Variants in ABR observed in about 807,000 individuals in gnomAD.
The protein encoded by ABR is ABR activator of RhoGEF and GTPase, also known as active breakpoint cluster region-related protein.
ABR carries 35 observed loss-of-function variants against 107.2 expected under a neutral mutation model. The observed-to-expected ratio is 0.33, with a 90% CI of 0.25 to 0.43. The LOEUF (loss-of-function observed/expected upper bound fraction) is 0.43, where lower values mean the gene tolerates loss of function less well. Among genes scored for constraint, ABR ranks in the 20% least tolerant of loss-of-function variants. ABR has a pLI of 1.00. For synonymous variants in ABR, 498 were observed against 462.0 expected (o/e 1.08, Z -1.00); for missense variants, 815 against 1,115.2 (o/e 0.73, Z 3.83).
At chr17:1,224,025 C>T (rs1242636612) in intron 1 of ABR, among the ~76,000 whole-genome samples, 1 of 152,192 alleles carries the variant, frequency 6.6e-6, no homozygotes, top group Admixed American at 6.5e-5. Flanking sequence ...ATACGAAGTG[C>T]TCAGAACAGG....
intron 16 of ABR, among the ~76,000 whole-genome samples, chr17:1,046,419 T>TGA: frequency 6.6e-6 from 1 of 151,432 alleles, no homozygotes; most frequent in Middle Eastern, 3.5e-3. Flanking sequence ...TATGGGCGCG[T>TGA]GCCACCACGC....
chr17:1,050,666 T>C lies in ABR; in HGVS notation c.1562-32A>G. The C allele has an allele frequency of 1.3e-6, 2 of 1,588,508 alleles. No individual in the cohort carries two copies. The highest frequency in any genetic ancestry group is 1.7e-6 in the Non-Finnish European group (2 of 1,157,592). The stretch of plus-strand genomic sequence containing the variant: ...GGGAAGGACAGACGGAGATACTGAG[T>C]GAGTGGGGCCAGGGTGGGGCAGCTG... On this transcript the variant is annotated intron_variant, in intron 14 of 22. Transcript: ENST00000302538. This position sits in a 1 kb window ranked among gnomAD's most constrained non-coding sequence, Gnocchi z 4.6.
intron 1 of ABR, among the ~76,000 whole-genome samples, chr17:1,129,714 C>G (rs1300683306): frequency 6.6e-6 from 1 of 151,992 alleles, no homozygotes; most frequent in African/African-American, 2.4e-5. Context: ...TTTGGGAGGC[C>G]GAGGCAGGTG....
chr17:1,116,890 T>TG (rs1287552483), intron 2 of ABR, among the ~76,000 whole-genome samples: 1 of 152,034 alleles, frequency 6.6e-6, no homozygotes, highest in South Asian at 2.1e-4. Flanking sequence ...GGCCGGCTGC[T>TG]GGGGGGCGGA....
At chr17:1,166,921 G>A (rs1481930592) in intron 1 of ABR, among the ~76,000 whole-genome samples, 2 of 152,174 alleles carry the variant, frequency 1.3e-5, no homozygotes, top group Non-Finnish European at 1.5e-5. Flanking sequence ...AGAATCGCTT[G>A]AACTGGGAGG....
chr17:1,157,339 C>T lies in ABR; in HGVS notation c.61+22328G>A, dbSNP rs1334328527. ...AACCTTAGCTCACTGCAACCTCCAC[C>T]TCCCGGGTTCAAGTAATTCTCCTGC... On this transcript the variant is annotated intron_variant, in intron 1 of 22. Coordinates refer to ENST00000302538, the MANE Select transcript of ABR (RefSeq NM_021962.5). This position sits in a 1 kb window ranked among gnomAD's most constrained non-coding sequence, Gnocchi z 4.7. 6.6e-6 allele frequency among the ~76,000 whole-genome samples: 1 copy of T among 151,728 alleles called. No individual in the cohort carries two copies. Among genetic ancestry groups the T allele is most frequent in the African/African-American group, 2.4e-5 (1 of 41,238 alleles).
In ABR at chr17:1,150,535, G is replaced by A. The variant is rs1447901307; in HGVS notation, c.62-25168C>T. 6.6e-6 allele frequency among the ~76,000 whole-genome samples: 1 copy of A among 152,142 alleles called. No homozygotes were observed. The highest frequency in any genetic ancestry group is 1.9e-4 in the East Asian group (1 of 5,186). On this transcript the variant is annotated intron_variant, in intron 1 of 22. Coordinates refer to ENST00000302538, the MANE Select transcript of ABR (RefSeq NM_021962.5). This position sits in a 1 kb window ranked among gnomAD's most constrained non-coding sequence, Gnocchi z 4.8. ...ACAGGTTGCCCAAGCGCCGAGAGAG[G>A]CCCAGGAGGACGGGCCCCGGGCATG...
chr17:1,076,734 G>C (rs1343536441), intron 6 of ABR, among the ~76,000 whole-genome samples: 1 of 137,992 alleles, frequency 7.2e-6, no homozygotes, highest in Non-Finnish European at 1.5e-5. Flanking sequence ...GGGGGTGGGG[G>C]GGGTGGCGGC....
At chr17:1,012,940 C>G (rs1345529819) in intron 17 of ABR, 143 bp from the exon 18 acceptor site, 1 of 1,049,570 alleles carries the variant, frequency 9.5e-7, no homozygotes, top group Non-Finnish European at 1.4e-6. Context: ...ACCTGCAGGA[C>G]AGCAGCGGGC....
chr17:1,036,530 G>A (rs955366593), intron 16 of ABR, among the ~76,000 whole-genome samples: 5 of 151,920 alleles, frequency 3.3e-5, no homozygotes, highest in East Asian at 3.9e-4. Flanking sequence ...GGGCGGACCC[G>A]AGGCTTTGGG....
upstream of ABR, among the ~76,000 whole-genome samples, chr17:1,181,238 C>G (rs1260448028): frequency 1.3e-5 from 2 of 152,202 alleles, no homozygotes; most frequent in African/African-American, 2.4e-5. Context: ...AGGGGAGAAG[C>G]AGCTCCTCCC....
Position 1,083,506 on chromosome 17 carries a change from G to A in ABR, c.639+14C>T. 1.3e-6 allele frequency: 2 copies of A among 1,581,576 alleles called. No individual in the cohort carries two copies. The highest frequency in any genetic ancestry group is 1.7e-6 in the Non-Finnish European group (2 of 1,158,116). ...TCCTTGTCCCTCAGGGTGGCTATGT[G>A]GGGAGCGGCCTACCTCTGAGATCTT... On this transcript the variant is annotated intron_variant, in intron 5 of 22. Coordinates refer to ENST00000302538, the MANE Select transcript of ABR (RefSeq NM_021962.5).
intron 1 of ABR, among the ~76,000 whole-genome samples, chr17:1,197,999 A>T (rs4968177): frequency 6.6e-6 from 1 of 151,614 alleles, no homozygotes. Context: ...GGCTGGCCGC[A>T]GCCCCACGCT....
At chr17:1,219,325 T>A (rs879750159) in intron 1 of ABR, among the ~76,000 whole-genome samples, 40 of 151,960 alleles carry the variant, frequency 2.6e-4, no homozygotes, top group Non-Finnish European at 5.3e-4. Context: ...ATTACAGGTG[T>A]GAGCCACCAC....
intron 1 of ABR, among the ~76,000 whole-genome samples, chr17:1,144,315 C>G (rs73975655): frequency 0.015 from 2,237 of 152,260 alleles, 58 homozygotes; most frequent in African/African-American, 0.051. Flanking sequence ...TATCACACAC[C>G]AGATGCAGGG....
At chr17:1,058,677 G>C in intron 11 of ABR, 68 bp downstream of exon 11, 1 of 1,576,276 alleles carries the variant, frequency 6.3e-7, no homozygotes. Context: ...TCAGGGCCAG[G>C]AGCCACAGAG....
At chr17:1,007,459 C>CG in intron 21 of ABR, 147 bp from the exon 22 acceptor site, 1 of 950,220 alleles carries the variant, frequency 1.1e-6, no homozygotes, top group Non-Finnish European at 1.5e-6. Context: ...GGACCTCCCC[C>CG]GGGGGAAGGG....
At chr17:1,191,238 C>T (rs2042424778), upstream of ABR, among the ~76,000 whole-genome samples, 1 of 152,130 alleles carries the variant, frequency 6.6e-6, no homozygotes, top group African/African-American at 2.4e-5. Context: ...CCCCAGCAGA[C>T]GGCGGTTGGT....
At chr17:1,060,737 C>CA (rs2033827848) in intron 10 of ABR, among the ~76,000 whole-genome samples, 1 of 151,918 alleles carries the variant, frequency 6.6e-6, no homozygotes, top group Non-Finnish European at 1.5e-5. Context: ...TCACACCTGT[C>CA]ATCCCAGCAC....
Sources: gnomAD v4.1 joint callset for allele counts (sites outside exome capture counted in the v4.1 genomes callset) on GRCh38, gnomAD v4.1.1 for gene constraint, Gnocchi (gnomAD v3.1) non-coding constraint, MANE v1.5 for transcripts, NCBI Gene and HGNC (gene_info 2026-07-23, HGNC 2026-07-21) for gene names.